FANCC: variants seen among roughly 807,000 people sequenced by gnomAD.
The protein encoded by FANCC is FA complementation group C, also known as Fanconi anemia group C protein.
Under a neutral mutation model 71.3 loss-of-function variants are expected in FANCC, and 55 were observed. The observed-to-expected ratio is 0.77, with a 90% CI of 0.62 to 0.97. The LOEUF is 0.97. Ranked by LOEUF, FANCC falls within the 50% of genes least tolerant of loss-of-function variation. FANCC has a pLI of 0.00. For missense variants in FANCC, 678 were observed against 670.9 expected (o/e 1.01, Z -0.12); for synonymous variants, 275 against 244.9 (o/e 1.12, Z -1.15).
intron 1 of FANCC, among the ~76,000 whole-genome samples, chr9:95,280,487 T>C (rs1489307253): frequency 6.6e-6 from 1 of 152,218 alleles, no homozygotes; most frequent in Non-Finnish European, 1.5e-5. Flanking sequence ...TAAGATCACA[T>C]GGAATATTCT....
At chr9:95,305,879 G>C (rs532349750) in intron 1 of FANCC, among the ~76,000 whole-genome samples, 2 of 152,268 alleles carry the variant, frequency 1.3e-5, no homozygotes, top group South Asian at 4.1e-4. Flanking sequence ...TCATCTCAAA[G>C]GCATTTCCTA....
intron 7 of FANCC, among the ~76,000 whole-genome samples, chr9:95,136,712 G>C (rs1827751411): frequency 6.6e-6 from 1 of 152,102 alleles, no homozygotes. Flanking sequence ...TTGAACTCCT[G>C]GCCTCAAACA....
chr9:95,232,179 T>C (rs1055463554), intron 4 of FANCC, among the ~76,000 whole-genome samples: 2 of 152,100 alleles, frequency 1.3e-5, no homozygotes, highest in African/African-American at 4.8e-5. Context: ...CACACACTTT[T>C]CAACAACTAG....
chr9:95,291,745 C>T (rs112862709), intron 1 of FANCC, among the ~76,000 whole-genome samples: 15,925 of 151,322 alleles, frequency 0.11, 981 homozygotes, highest in East Asian at 0.19. Context: ...GTCAGGAGTG[C>T]GAGACCACCC....
chr9:95,255,836 T>C (rs897525059), intron 1 of FANCC, among the ~76,000 whole-genome samples: 3 of 151,134 alleles, frequency 2.0e-5, no homozygotes, highest in African/African-American at 4.9e-5. Context: ...TAGAATAATA[T>C]AAATGACCTG....
chr9:95,104,930 G>T (rs553934332), intron 14 of FANCC, among the ~76,000 whole-genome samples: 1 of 152,164 alleles, frequency 6.6e-6, no homozygotes, highest in Non-Finnish European at 1.5e-5. Flanking sequence ...CCACCCATAG[G>T]TGAGAGCATG....
At chr9:95,257,803 A>C (rs1342854598) in intron 1 of FANCC, among the ~76,000 whole-genome samples, 3 of 152,200 alleles carry the variant, frequency 2.0e-5, no homozygotes, top group Non-Finnish European at 4.4e-5. Flanking sequence ...ATAAAGAAGA[A>C]AAGAGAGAAG....
rs759387035 is a variant in FANCC, at chr9:95,172,066, T to C, written c.427A>G (p.Ile143Val). The change falls in exon 5 of 15, where the codon ATA (isoleucine) becomes GTA (valine). Residue 143 changes from isoleucine (I) to valine (V), a missense_variant. By Grantham distance (29) the Ile-to-Val change is conservative (BLOSUM62 3). Coordinates refer to ENST00000289081, the MANE Select transcript of FANCC (RefSeq NM_000136.3). Reference sequence around the variant, plus strand: ...TTAAGCAAACCAGGATAGTAATCTATAGGTGCATACCCAAGACCTTGAGTG... The same window carrying C: ...TTAAGCAAACCAGGATAGTAATCTACAGGTGCATACCCAAGACCTTGAGTG... ...LFTQGLGYAP[I>V]DYYPGLLKNM... is the part of the protein sequence containing the mutation. 4.3e-6 allele frequency: 7 copies of C among 1,611,640 alleles called. No homozygotes were observed. The highest frequency in any genetic ancestry group is 2.2e-5 in the East Asian group (1 of 44,790).
intron 4 of FANCC, among the ~76,000 whole-genome samples, chr9:95,204,703 AC>A (rs1828011725): frequency 6.6e-6 from 1 of 152,164 alleles, no homozygotes; most frequent in Non-Finnish European, 1.5e-5. Flanking sequence ...AATCTGCCTT[AC>A]CCCTACTCCA....
intron 4 of FANCC, among the ~76,000 whole-genome samples, chr9:95,184,835 G>A (rs1386145799): frequency 1.3e-5 from 2 of 152,332 alleles, no homozygotes; most frequent in African/African-American, 4.8e-5. Context: ...ATACACACAC[G>A]AGTGGTAGAC....
Position 95,260,920 on chromosome 9 carries a change from A to T in FANCC, c.-78-11551T>A, listed in dbSNP as rs144860557. Among the ~76,000 whole-genome samples the T allele has an allele frequency of 1.3e-4, 20 of 152,284 alleles. No homozygotes were observed. The East Asian group carries it at 3.7e-3, about 28-fold the overall frequency. On this transcript the variant is annotated intron_variant, in intron 1 of 14. Transcript: ENST00000289081. Reference sequence around the variant, plus strand: ...AAACCACCCACCAGGATGGGCAGAGATAACAGTCCTAGCACTTGCTCCCTC... The same window carrying T: ...AAACCACCCACCAGGATGGGCAGAGTTAACAGTCCTAGCACTTGCTCCCTC...
intron 4 of FANCC, among the ~76,000 whole-genome samples, chr9:95,239,794 C>T (rs1016941783): frequency 2.0e-5 from 3 of 152,124 alleles, no homozygotes; most frequent in Non-Finnish European, 4.4e-5. Flanking sequence ...ACAAAGAAAT[C>T]GTAAAAAGCA....
chr9:95,116,111 G>A (rs912083962), intron 11 of FANCC, among the ~76,000 whole-genome samples: 6 of 152,220 alleles, frequency 3.9e-5, no homozygotes, highest in Admixed American at 2.0e-4. Context: ...AAGGTAAAGG[G>A]TTGGGCCCAT....
chr9:95,129,784 C>T (rs914023108), intron 8 of FANCC, among the ~76,000 whole-genome samples: 2 of 152,114 alleles, frequency 1.3e-5, no homozygotes, highest in Admixed American at 6.6e-5. Context: ...TTATCTCCCC[C>T]CTCAGGCTTT....
chr9:95,301,931 AAT>A (rs1834760188), intron 1 of FANCC, among the ~76,000 whole-genome samples: 1 of 150,714 alleles, frequency 6.6e-6, no homozygotes. Flanking sequence ...AAAAAAAAAA[AAT>A]TAGCCAGGCG....
intron 1 of FANCC, among the ~76,000 whole-genome samples, chr9:95,305,374 T>C (rs973124132): frequency 6.6e-5 from 10 of 152,150 alleles, no homozygotes; most frequent in Non-Finnish European, 1.5e-5. Flanking sequence ...GATGTCCCAC[T>C]AAGTGGAAAC....
At chr9:95,197,531 C>A (rs1405684371) in intron 4 of FANCC, among the ~76,000 whole-genome samples, 1 of 152,042 alleles carries the variant, frequency 6.6e-6, no homozygotes, top group Non-Finnish European at 1.5e-5. Flanking sequence ...AGAATCAGAC[C>A]CCGTCACAAA....
chr9:95,299,487 C>G (rs984201791), intron 1 of FANCC, among the ~76,000 whole-genome samples: 1 of 152,174 alleles, frequency 6.6e-6, no homozygotes, highest in Non-Finnish European at 1.5e-5. Flanking sequence ...ACCTTGTTTT[C>G]TAAGCCCCAG....
At chr9:95,158,504 G>C (rs1052613393) in intron 6 of FANCC, among the ~76,000 whole-genome samples, 4 of 152,048 alleles carry the variant, frequency 2.6e-5, no homozygotes, top group African/African-American at 9.7e-5. Context: ...ACACATAATA[G>C]ATCACTATGG....
Sources: allele counts gnomAD v4.1 joint callset (sites outside exome capture counted in the v4.1 genomes callset), GRCh38; gene constraint gnomAD v4.1.1; transcripts MANE v1.5; gene names NCBI Gene and HGNC (gene_info 2026-07-23, HGNC 2026-07-21).